RAP1GAP2: variants seen among roughly 807,000 people sequenced by gnomAD.
RAP1GAP2 encodes RAP1 GTPase activating protein 2.
RAP1GAP2 carries 27 observed loss-of-function variants against 95.0 expected under a neutral mutation model. That is an observed-to-expected ratio of 0.28 (90% CI 0.21 to 0.39). The LOEUF (loss-of-function observed/expected upper bound fraction) is 0.39. RAP1GAP2 is among the 10% of genes least tolerant of loss of function. The pLI, the probability that RAP1GAP2 is intolerant of heterozygous loss-of-function variation, is 1.00. For missense variants in RAP1GAP2, 771 were observed against 970.0 expected, an observed-to-expected ratio of 0.79 and a Z score of 2.72; for synonymous variants, 373 against 380.9, an observed-to-expected ratio of 0.98 and a Z score of 0.24.
At chr17:3,032,211 G>C (rs2047340855) in intron 23 of RAP1GAP2, among the ~76,000 whole-genome samples, 200 bp from the exon 24 acceptor site, 1 of 151,766 alleles carries the variant, frequency 6.6e-6, no homozygotes, top group Non-Finnish European at 1.5e-5. Context: ...CTGGTTCCCG[G>C]GTCCCCCAGT....
At chr17:2,758,757 A>G (rs913840743) in intron 1 of RAP1GAP2, among the ~76,000 whole-genome samples, 1 of 152,188 alleles carries the variant, frequency 6.6e-6, no homozygotes, top group African/African-American at 2.4e-5. Flanking sequence ...AATCGACTCA[A>G]ACTAGCTTCA....
chr17:2,764,242 G>T (rs1419090322), intron 1 of RAP1GAP2, among the ~76,000 whole-genome samples: 1 of 148,296 alleles, frequency 6.7e-6, no homozygotes, highest in East Asian at 2.0e-4. Flanking sequence ...GACCAGCCTG[G>T]CCAACATGGT....
At chr17:2,765,116 A>G (rs1457277103) in intron 1 of RAP1GAP2, among the ~76,000 whole-genome samples, 1 of 152,210 alleles carries the variant, frequency 6.6e-6, no homozygotes, top group African/African-American at 2.4e-5. Context: ...ACTTTGGGGC[A>G]GGAAGCAGGT....
At chr17:2,939,935 C>A (rs1057472596) in intron 3 of RAP1GAP2, among the ~76,000 whole-genome samples, 1 of 152,238 alleles carries the variant, frequency 6.6e-6, no homozygotes, top group Non-Finnish European at 1.5e-5. Flanking sequence ...CCTGTAGTTC[C>A]TTGTTTGATC....
At chr17:2,978,284 C>G (rs1381212723) in intron 8 of RAP1GAP2, among the ~76,000 whole-genome samples, 1 of 152,126 alleles carries the variant, frequency 6.6e-6, no homozygotes, top group Non-Finnish European at 1.5e-5. Flanking sequence ...AAGTGCCAGC[C>G]TCACTCATGG....
At position 2,826,782 on chromosome 17, in the gene RAP1GAP2, C is replaced by T. The variant is rs976837381; in HGVS notation, c.80+26232C>T. Among the ~76,000 whole-genome samples, 8 of 152,086 alleles carry T rather than the reference C, an allele frequency of 5.3e-5. No homozygotes were observed. The South Asian group carries it at 6.3e-4, about 12-fold the overall frequency. ...CAACACTTTGGGAGGCTGAGGCGGGCGGATCACGAGGTCAAGAGATCGAGA... is the reference window on the plus strand; with the variant it reads ...CAACACTTTGGGAGGCTGAGGCGGGTGGATCACGAGGTCAAGAGATCGAGA... On this transcript the variant is annotated intron_variant, in intron 2 of 24. Coordinates refer to ENST00000254695, the MANE Select transcript of RAP1GAP2 (RefSeq NM_015085.5).
intron 1 of RAP1GAP2, among the ~76,000 whole-genome samples, chr17:2,763,274 C>A (rs1042968769): frequency 1.3e-5 from 2 of 152,132 alleles, no homozygotes; most frequent in East Asian, 1.9e-4. Context: ...GCTTCGAAGA[C>A]CAGAGGGCTG....
intron 10 of RAP1GAP2, among the ~76,000 whole-genome samples, chr17:2,983,345 C>T (rs1474302484): frequency 6.6e-6 from 1 of 152,074 alleles, no homozygotes; most frequent in African/African-American, 2.4e-5. Context: ...GAACCTTTCA[C>T]ACTGGTGCCT....
intron 3 of RAP1GAP2, among the ~76,000 whole-genome samples, chr17:2,910,707 G>GAATAAGTT (rs891633329): frequency 6.6e-6 from 1 of 152,150 alleles, no homozygotes; most frequent in Non-Finnish European, 1.5e-5. Context: ...CGAGTCAACA[G>GAATAAGTT]AATAAGTTAC....
At chr17:2,772,692 T>G (rs768559487), upstream of RAP1GAP2, among the ~76,000 whole-genome samples, 3 of 152,148 alleles carry the variant, frequency 2.0e-5, no homozygotes, top group Non-Finnish European at 4.4e-5. Flanking sequence ...TAGGTACTAT[T>G]GTTGTCCTTG....
At position 2,903,290 on chromosome 17, in the gene RAP1GAP2, G is replaced by A. The variant is rs2042084582; in HGVS notation, c.81-1994G>A. ...TCTTAAAGGCCAGGCCCATTGAGGA[G>A]GAGCTGTGGCTGCTTGGGAGAGGGC... On this transcript the variant is annotated intron_variant, in intron 2 of 24. Transcript: ENST00000254695. The surrounding 1 kb of genome is among the most constrained non-coding windows in gnomAD (Gnocchi z 4.1). Among the ~76,000 whole-genome samples the A allele has an allele frequency of 6.6e-6, 1 of 152,168 alleles. No individual in the cohort carries two copies. Among genetic ancestry groups the A allele is most frequent in the Non-Finnish European group, 1.5e-5 (1 of 68,040 alleles).
intron 3 of RAP1GAP2, among the ~76,000 whole-genome samples, chr17:2,933,931 T>C (rs2043229774): frequency 1.3e-5 from 2 of 152,250 alleles, no homozygotes; most frequent in Admixed American, 1.3e-4. Flanking sequence ...TTAACCAGCG[T>C]GGGCAGCTCG....
At chr17:2,824,229 C>G (rs1284521518) in intron 2 of RAP1GAP2, among the ~76,000 whole-genome samples, 1 of 151,744 alleles carries the variant, frequency 6.6e-6, no homozygotes, top group Non-Finnish European at 1.5e-5. Context: ...AGATGGATCA[C>G]TTGAGATTAG....
At chr17:2,758,513 C>T (rs1310927628) in intron 1 of RAP1GAP2, among the ~76,000 whole-genome samples, 1 of 152,100 alleles carries the variant, frequency 6.6e-6, no homozygotes, top group Non-Finnish European at 1.5e-5. Flanking sequence ...TTTGGGGTCA[C>T]CCCTCACCCC....
chr17:2,976,659 T>C (rs1172491244), intron 8 of RAP1GAP2, among the ~76,000 whole-genome samples: 1 of 151,496 alleles, frequency 6.6e-6, no homozygotes, highest in Non-Finnish European at 1.5e-5. Flanking sequence ...GAAAAAACTC[T>C]GAAGAAAATA....
chr17:2,787,456 A>G (rs550007362), intron 1 of RAP1GAP2, among the ~76,000 whole-genome samples: 2 of 151,672 alleles, frequency 1.3e-5, no homozygotes, highest in South Asian at 2.1e-4. Flanking sequence ...GGGTCTTACT[A>G]TGTTGCTGGG....
Position 2,963,974 on chromosome 17 carries a change from A to T in RAP1GAP2, c.398A>T (p.Glu133Val). 5 of 1,612,968 alleles carry T rather than the reference A, an allele frequency of 3.1e-6. No individual in the cohort carries two copies. Among genetic ancestry groups the T allele is most frequent in the Non-Finnish European group, 4.2e-6 (5 of 1,179,726 alleles). The change falls in exon 7 of 25, where the codon GAG becomes GTG. Residue 133 changes from glutamate (E) to valine (V), a missense_variant. Transcript: ENST00000254695. The surrounding 1 kb of genome is among the most constrained non-coding windows in gnomAD (Gnocchi z 4.8). ...PTSLGSSICE[E>V]EEEDNLSPNT... Reference sequence around the variant, plus strand: ...TCGCTGGGGAGCAGCATCTGTGAGGAGGAGGAAGAGGACAACCTCAGCCCC... The same window carrying T: ...TCGCTGGGGAGCAGCATCTGTGAGGTGGAGGAAGAGGACAACCTCAGCCCC...
At chr17:2,944,126 C>T (rs1304442173) in intron 3 of RAP1GAP2, among the ~76,000 whole-genome samples, 3 of 137,298 alleles carry the variant, frequency 2.2e-5, no homozygotes, top group Non-Finnish European at 3.0e-5. Context: ...TCTAGCCTGG[C>T]GACAGAGCGA....
chr17:2,995,502 C>T (rs368484956), intron 13 of RAP1GAP2, 36 bp downstream of exon 13: 218 of 1,611,042 alleles, frequency 1.4e-4, no homozygotes, highest in Middle Eastern at 1.8e-4. Context: ...GAGCCCAGGG[C>T]GGGCGAGGTG....
Sources: gnomAD v4.1 joint callset for allele counts (sites outside exome capture counted in the v4.1 genomes callset) on GRCh38, gnomAD v4.1.1 for gene constraint, Gnocchi (gnomAD v3.1) non-coding constraint, MANE v1.5 for transcripts, NCBI Gene and HGNC (gene_info 2026-07-23, HGNC 2026-07-21) for gene names.